Variants in GRM7 observed in about 807,000 individuals in gnomAD.
GRM7 encodes the protein metabotropic glutamate receptor 7.
In GRM7, 35 loss-of-function variants were observed where a neutral mutation model predicts 84.5. The observed-to-expected ratio is 0.41, with a 90% CI of 0.32 to 0.55. GRM7 has a LOEUF of 0.55. GRM7 is among the 20% of genes least tolerant of loss of function. The pLI is 0.19. For missense variants in GRM7, 1,003 were observed against 1,194.6 expected (o/e 0.84, Z 2.36); for synonymous variants, 487 against 455.1 (o/e 1.07, Z -0.89).
intron 4 of GRM7, among the ~76,000 whole-genome samples, chr3:7,365,640 CGT>C (rs199842461): frequency 0.13 from 12,603 of 100,756 alleles, 628 homozygotes; most frequent in African/African-American, 0.17. Context: ...TGTGTGTGTG[CGT>C]GTGTGTATAT....
At chr3:7,339,746 C>T (rs1436658533) in intron 4 of GRM7, among the ~76,000 whole-genome samples, 1 of 152,034 alleles carries the variant, frequency 6.6e-6, no homozygotes, top group Non-Finnish European at 1.5e-5. Context: ...AAGTGCTTTG[C>T]TGAATGCTCT....
intron 2 of GRM7, among the ~76,000 whole-genome samples, chr3:7,185,085 C>T (rs567073938): frequency 1.3e-5 from 2 of 152,216 alleles, no homozygotes; most frequent in Admixed American, 6.5e-5. Context: ...AAATGGCTTG[C>T]TCCAAGTAAT....
At chr3:7,201,592 A>G (rs937223136) in intron 2 of GRM7, among the ~76,000 whole-genome samples, 6 of 152,176 alleles carry the variant, frequency 3.9e-5, no homozygotes, top group African/African-American at 1.4e-4. Flanking sequence ...AAGGTTTGCT[A>G]TGTACCAGGT....
At chr3:7,110,632 T>A (rs74285842) in intron 1 of GRM7, among the ~76,000 whole-genome samples, 1 of 149,718 alleles carries the variant, frequency 6.7e-6, no homozygotes, top group Non-Finnish European at 1.5e-5. Context: ...TATATATATA[T>A]AATTTTTTGC....
rs1312647591 is a variant in GRM7, at chr3:6,963,795, G to A, written c.519+101888G>A. On this transcript the variant is annotated intron_variant, in intron 1 of 9. Transcript: ENST00000357716. ...ACATGAATGGCATCCTAGCTTCAGA[G>A]ATTTATACACAAATATTAAGGATAC... Among the ~76,000 whole-genome samples the A allele has an allele frequency of 4.6e-5, 7 of 152,126 alleles. No individual in the cohort carries two copies. The East Asian group carries it at 1.4e-3, about 29-fold the overall frequency.
intron 1 of GRM7, among the ~76,000 whole-genome samples, chr3:6,974,014 T>C (rs1244947963): frequency 2.6e-5 from 4 of 152,132 alleles, no homozygotes; most frequent in African/African-American, 7.2e-5. Context: ...AGGAGGGATA[T>C]GATGGTAGCT....
At chr3:7,257,432 C>T (rs1448282842) in intron 2 of GRM7, among the ~76,000 whole-genome samples, 1 of 152,036 alleles carries the variant, frequency 6.6e-6, no homozygotes, top group Non-Finnish European at 1.5e-5. Context: ...ATCTGCTTAC[C>T]CCATACTAAA....
At chr3:7,219,398 G>A (rs940325388) in intron 2 of GRM7, among the ~76,000 whole-genome samples, 4 of 152,178 alleles carry the variant, frequency 2.6e-5, no homozygotes, top group African/African-American at 9.6e-5. Flanking sequence ...TGTTATTTTT[G>A]TATCTTGACT....
chr3:7,403,078 G>A (rs528808688), intron 4 of GRM7: 1 of 357,548 alleles, frequency 2.8e-6, no homozygotes, highest in Non-Finnish European at 5.7e-6. Context: ...AGGCAACATG[G>A]TTCTTCTATA....
chr3:7,320,797 G>C (rs988190725), intron 4 of GRM7, among the ~76,000 whole-genome samples: 1 of 151,266 alleles, frequency 6.6e-6, no homozygotes, highest in African/African-American at 2.4e-5. Flanking sequence ...TTTTATTGCT[G>C]TGTAATATTC....
intron 8 of GRM7, among the ~76,000 whole-genome samples, chr3:7,592,108 G>C (rs1013706447): frequency 1.3e-5 from 2 of 152,136 alleles, no homozygotes; most frequent in African/African-American, 2.4e-5. Context: ...ATATATATGT[G>C]TGTGTAGCTA....
At chr3:6,921,763 T>C (rs1697132396) in intron 1 of GRM7, among the ~76,000 whole-genome samples, 1 of 152,142 alleles carries the variant, frequency 6.6e-6, no homozygotes, top group Non-Finnish European at 1.5e-5. Context: ...AATTATTATT[T>C]GTTAAAAGTG....
At chr3:7,538,489 T>C (rs551238818) in intron 7 of GRM7, among the ~76,000 whole-genome samples, 2 of 152,304 alleles carry the variant, frequency 1.3e-5, no homozygotes, top group South Asian at 2.1e-4. Context: ...CAAACAACCA[T>C]ACCAGGCCAG....
At chr3:6,990,126 T>A (rs1403390841) in intron 1 of GRM7, among the ~76,000 whole-genome samples, 1 of 152,206 alleles carries the variant, frequency 6.6e-6, no homozygotes, top group Non-Finnish European at 1.5e-5. Context: ...TCCCTGTGGA[T>A]GTTAGAGACA....
chr3:7,077,976 C>G (rs1458153190), intron 1 of GRM7, among the ~76,000 whole-genome samples: 1 of 149,622 alleles, frequency 6.7e-6, no homozygotes, highest in Non-Finnish European at 1.5e-5. Flanking sequence ...CTTTGCTGGC[C>G]ACACTGTTTC....
intron 7 of GRM7, among the ~76,000 whole-genome samples, chr3:7,549,814 T>C (rs73019819): frequency 0.037 from 5,684 of 152,316 alleles, 132 homozygotes; most frequent in Non-Finnish European, 0.045. Flanking sequence ...AAATTGACCT[T>C]GTAGAAAAGA....
intron 9 of GRM7, among the ~76,000 whole-genome samples, chr3:7,713,132 T>TC (rs1701645743): frequency 7.2e-6 from 1 of 138,266 alleles, no homozygotes; most frequent in Non-Finnish European, 1.6e-5. Context: ...TTGTTTTTTT[T>TC]TTTTTTTTTT....
intron 4 of GRM7, among the ~76,000 whole-genome samples, chr3:7,383,762 CA>C (rs1265578026): frequency 6.6e-6 from 1 of 152,092 alleles, no homozygotes; most frequent in East Asian, 1.9e-4. Context: ...AATATTAAGC[CA>C]AGGAAATATA....
chr3:7,700,192 A>T (rs1701176037), intron 9 of GRM7, among the ~76,000 whole-genome samples: 2 of 152,142 alleles, frequency 1.3e-5, no homozygotes, highest in Admixed American at 1.3e-4. Flanking sequence ...CAACAAGGGC[A>T]CATCCCCGCG....
Sources: gnomAD v4.1 joint callset for allele counts (sites outside exome capture counted in the v4.1 genomes callset) on GRCh38, gnomAD v4.1.1 for gene constraint, MANE v1.5 for transcripts, NCBI Gene and HGNC (gene_info 2026-07-23, HGNC 2026-07-21) for gene names.